Variants in FKBP14 observed in about 807,000 individuals in gnomAD.
The protein encoded by FKBP14 is peptidyl-prolyl cis-trans isomerase FKBP14.
FKBP14 carries 20 observed loss-of-function variants against 21.6 expected under a neutral mutation model. The ratio of observed to expected loss-of-function variants is 0.92; its 90% CI spans 0.65 to 1.34. The LOEUF (loss-of-function observed/expected upper bound fraction) is 1.34. Ranked by LOEUF, FKBP14 falls within the 40% of genes most tolerant of loss-of-function variation. FKBP14 has a pLI of 0.00. For synonymous variants in FKBP14, 79 were observed against 86.7 expected (o/e 0.91, Z 0.49); for missense variants, 253 against 249.0 (o/e 1.02, Z -0.11).
At chr7:30,015,874 C>T (rs1789871672) in intron 3 of FKBP14, among the ~76,000 whole-genome samples, 1 of 152,032 alleles carries the variant, frequency 6.6e-6, no homozygotes, top group South Asian at 2.1e-4. Context: ...ATCTGCCCGC[C>T]TCGGCCTCCC....
chr7:30,006,686 G>A (rs1433498713), downstream of FKBP14, among the ~76,000 whole-genome samples: 1 of 152,096 alleles, frequency 6.6e-6, no homozygotes, highest in African/African-American at 2.4e-5. Context: ...CATGCTGCAG[G>A]ACATCATTCT....
At chr7:30,017,222 A>G (rs1194553262) in intron 3 of FKBP14, among the ~76,000 whole-genome samples, 1 of 151,898 alleles carries the variant, frequency 6.6e-6, no homozygotes, top group Non-Finnish European at 1.5e-5. Flanking sequence ...ATAAAACTGG[A>G]TGTGGGGATA....
intron 1 of FKBP14, among the ~76,000 whole-genome samples, chr7:30,024,634 G>A (rs1360412294): frequency 2.0e-5 from 3 of 152,128 alleles, no homozygotes; most frequent in Admixed American, 6.5e-5. Context: ...CTGACCTCGC[G>A]ATCTGCCTGC....
chr7:30,018,643 T>G (rs1195359866), intron 3 of FKBP14, among the ~76,000 whole-genome samples: 1 of 152,244 alleles, frequency 6.6e-6, no homozygotes, highest in Non-Finnish European at 1.5e-5. Context: ...ACAGCTAGCT[T>G]CTTATACAGT....
chr7:30,022,523 A>T, intron 2 of FKBP14, 142 bp downstream of exon 2: 1 of 759,886 alleles, frequency 1.3e-6, no homozygotes, highest in Non-Finnish European at 2.0e-6. Context: ...GATACTCAAG[A>T]CATAATACAG....
At chr7:30,023,033 G>A (rs902450028) in intron 1 of FKBP14, among the ~76,000 whole-genome samples, 1 of 151,778 alleles carries the variant, frequency 6.6e-6, no homozygotes, top group African/African-American at 2.4e-5. Context: ...ATACTTGACT[G>A]GGCTTAAGAA....
intron 3 of FKBP14, among the ~76,000 whole-genome samples, chr7:30,017,193 A>G (rs1789910507): frequency 6.7e-6 from 1 of 149,266 alleles, no homozygotes; most frequent in African/African-American, 2.6e-5. Flanking sequence ...AAAAACAGAA[A>G]GAAAGAAAAA....
intron 2 of FKBP14, 77 bp downstream of exon 2, chr7:30,022,588 A>G: frequency 6.9e-7 from 1 of 1,451,540 alleles, no homozygotes; most frequent in Non-Finnish European, 9.2e-7. Flanking sequence ...AAAAAGTTAT[A>G]GTGACTCTAA....
chr7:30,026,364 A>G lies in FKBP14; in HGVS notation c.145T>C (p.Leu49=). 1 of 1,614,106 alleles carries G rather than the reference A, an allele frequency of 6.2e-7. No homozygotes were observed. The highest frequency in any genetic ancestry group is 8.5e-7 in the Non-Finnish European group (1 of 1,179,982). ...HRKTKGGDLM[L]VHYEGYLEKD... Reference sequence around the variant, plus strand: ...TCTAAGTAGCCTTCATAGTGGACCAACATCAAATCCCCTCCTTTGGTCTTG... The same window carrying G: ...TCTAAGTAGCCTTCATAGTGGACCAGCATCAAATCCCCTCCTTTGGTCTTG... Residue 49 remains leucine (L), a synonymous_variant, in exon 1 of 4, where the codon TTG becomes CTG. Transcript: ENST00000222803.
intron 2 of FKBP14, 101 bp downstream of exon 2, chr7:30,022,549 ATACCCCCTATTAACT>A: frequency 2.0e-6 from 2 of 1,004,590 alleles, no homozygotes; most frequent in Non-Finnish European, 2.8e-6. Context: ...AAAGGAATAC[ATACCCCCTATTAACT>A]TCCAGGGGAA....
chr7:30,018,881 T>C (rs1202691265), intron 3 of FKBP14, 115 bp downstream of exon 3: 17 of 1,048,370 alleles, frequency 1.6e-5, no homozygotes, highest in Non-Finnish European at 2.0e-5. Flanking sequence ...TAAATAAAAG[T>C]AGATTTGAAA....
chr7:30,023,522 C>T (rs1790089979), intron 1 of FKBP14, among the ~76,000 whole-genome samples: 1 of 152,196 alleles, frequency 6.6e-6, no homozygotes, highest in Non-Finnish European at 1.5e-5. Flanking sequence ...CCAGTTTCCT[C>T]CTCAGGGGTC....
rs955843791 is a variant in FKBP14, at chr7:30,014,582, G to A, written c.*153C>T. 6.6e-6 allele frequency: 3 copies of A among 451,778 alleles called. No homozygotes were observed. The highest frequency in any genetic ancestry group is 2.0e-5 in the African/African-American group (1 of 49,452). 28.0% of individuals were successfully genotyped at this position (451,778 alleles called of 1,614,324 possible). ...CTTATCAGAAAGAAATGGGTACTTA[G>A]AAACCTAAGGGGTTCTTTAAATAGG... On this transcript the variant is annotated 3_prime_UTR_variant, in exon 4 of 4. Coordinates refer to ENST00000222803, the MANE Select transcript of FKBP14 (RefSeq NM_017946.4).
chr7:30,010,132 CATT>C (rs1377678332), downstream of FKBP14, among the ~76,000 whole-genome samples: 2 of 152,126 alleles, frequency 1.3e-5, no homozygotes, highest in Non-Finnish European at 2.9e-5. Flanking sequence ...AATCAGAAAT[CATT>C]GTTTCTCGTT....
At position 30,026,546 on chromosome 7, in the gene FKBP14, C is replaced by T; in HGVS notation, c.-38G>A. On this transcript the variant is annotated 5_prime_UTR_variant, in exon 1 of 4. Transcript: ENST00000222803. The stretch of plus-strand genomic sequence containing the variant: ...AGGAAAGAAGTCCCTACAAAAGCAG[C>T]GAAAGGTCCCTCGACTTCATAGATT... The T allele has an allele frequency of 6.4e-7, 1 of 1,567,350 alleles. No homozygotes were observed. Among genetic ancestry groups the T allele is most frequent in the Non-Finnish European group, 8.7e-7 (1 of 1,155,848 alleles).
Position 30,026,478 on chromosome 7 carries a change from T to G in FKBP14, c.31A>C (p.Thr11Pro). 1.2e-6 allele frequency: 2 copies of G among 1,612,794 alleles called. No homozygotes were observed. The highest frequency in any genetic ancestry group is 2.7e-5 in the African/African-American group (2 of 74,886). The change falls in exon 1 of 4, where the codon ACT (threonine) becomes CCT (proline). Residue 11 changes from threonine to proline, a missense_variant. Physicochemically the swap from Thr to Pro is conservative, Grantham distance 38. Coordinates refer to ENST00000222803, the MANE Select transcript of FKBP14 (RefSeq NM_017946.4). ...CCAATCAAAGAAGTGACGAACAGAG[T>G]CAAGACCGCGTTCCACAAGAAAAGC... Reference protein sequence around the residue: MRLFLWNAVLTLFVTSLIGAL... With the variant: MRLFLWNAVLPLFVTSLIGAL...
At chr7:30,025,874 G>A (rs1037792839) in intron 1 of FKBP14, among the ~76,000 whole-genome samples, 1 of 152,200 alleles carries the variant, frequency 6.6e-6, no homozygotes, top group Non-Finnish European at 1.5e-5. Flanking sequence ...GCAAATAAGT[G>A]ATAGTGTAGT....
intron 2 of FKBP14, 34 bp downstream of exon 2, chr7:30,022,631 T>C: frequency 6.3e-7 from 1 of 1,595,606 alleles, no homozygotes; most frequent in Middle Eastern, 1.7e-4. Flanking sequence ...ACAACTCTAG[T>C]GCTATAGTAA....
chr7:30,021,245 C>T (rs377135782), intron 2 of FKBP14, among the ~76,000 whole-genome samples: 99 of 152,190 alleles, frequency 6.5e-4, no homozygotes, highest in Non-Finnish European at 1.3e-3. Flanking sequence ...GATTAACTTT[C>T]TATGTATATG....
Sources: allele counts gnomAD v4.1 joint callset (sites outside exome capture counted in the v4.1 genomes callset), GRCh38; gene constraint gnomAD v4.1.1; transcripts MANE v1.5; gene names NCBI Gene and HGNC (gene_info 2026-07-23, HGNC 2026-07-21).